The following VAV2 variants were observed in gnomAD, a reference collection of about 807,000 sequenced individuals.
VAV2 encodes the protein guanine nucleotide exchange factor VAV2.
Under a neutral mutation model 132.5 loss-of-function variants are expected in VAV2, and 67 were observed. That is an observed-to-expected ratio of 0.51 (90% CI 0.42 to 0.62). The LOEUF (loss-of-function observed/expected upper bound fraction) is 0.62. Among genes scored for constraint, VAV2 ranks in the 20% least tolerant of loss-of-function variants. The pLI, the probability that VAV2 is intolerant of heterozygous loss-of-function variation, is 0.00. For missense variants in VAV2, 938 were observed against 1,153.6 expected, an observed-to-expected ratio of 0.81 and a Z score of 2.71; for synonymous variants, 492 against 443.5, an observed-to-expected ratio of 1.11 and a Z score of -1.37.
intron 2 of VAV2, among the ~76,000 whole-genome samples, chr9:133,900,492 C>T (rs192692412): frequency 1.0e-3 from 151 of 151,740 alleles, no homozygotes; most frequent in Admixed American, 1.4e-3. Flanking sequence ...TGTATAAAAA[C>T]TGGCCATAAA....
intron 2 of VAV2, among the ~76,000 whole-genome samples, chr9:133,899,698 C>T (rs1588337658): frequency 1.3e-5 from 2 of 148,916 alleles, no homozygotes; most frequent in East Asian, 2.1e-4. Flanking sequence ...GCATGAGCCA[C>T]CATGCCTGGC....
intron 2 of VAV2, among the ~76,000 whole-genome samples, chr9:133,890,068 T>C (rs2131967696): frequency 6.6e-6 from 1 of 152,156 alleles, no homozygotes; most frequent in Admixed American, 6.5e-5. Context: ...GGTGCCAGGG[T>C]GTGGGATGGT....
At chr9:133,902,814 G>A (rs1839494574) in intron 2 of VAV2, among the ~76,000 whole-genome samples, 1 of 152,180 alleles carries the variant, frequency 6.6e-6, no homozygotes, top group African/African-American at 2.4e-5. Flanking sequence ...GCTCACGCCT[G>A]TAACCCCAGC....
intron 17 of VAV2, among the ~76,000 whole-genome samples, chr9:133,784,973 C>A (rs1316260374): frequency 5.3e-5 from 8 of 152,080 alleles, no homozygotes; most frequent in African/African-American, 1.9e-4. Context: ...AACTTTTGCA[C>A]AATAGGATGT....
chr9:133,822,214 G>A (rs1024819105), intron 4 of VAV2, among the ~76,000 whole-genome samples: 18 of 152,214 alleles, frequency 1.2e-4, no homozygotes, highest in Non-Finnish European at 8.8e-5. Flanking sequence ...GAGCCTGTGT[G>A]TTTACGGCGG....
intron 1 of VAV2, among the ~76,000 whole-genome samples, chr9:133,948,837 G>C (rs959615501): frequency 6.6e-6 from 1 of 152,244 alleles, no homozygotes; most frequent in African/African-American, 2.4e-5. Context: ...CTGGTCTACA[G>C]GTGGAGAAAC....
At chr9:133,971,391 G>T (rs901770105) in intron 1 of VAV2, among the ~76,000 whole-genome samples, 1 of 152,164 alleles carries the variant, frequency 6.6e-6, no homozygotes, top group African/African-American at 2.4e-5. Flanking sequence ...CCAGGAGGGG[G>T]CCACATGTTC....
chr9:133,835,810 G>C (rs1027759883), intron 3 of VAV2, among the ~76,000 whole-genome samples: 4 of 152,208 alleles, frequency 2.6e-5, no homozygotes, highest in Non-Finnish European at 5.9e-5. Context: ...CTGGAAACCT[G>C]GGTCCTACCT....
At chr9:133,907,526 A>G (rs1194870549) in intron 2 of VAV2, among the ~76,000 whole-genome samples, 1 of 152,228 alleles carries the variant, frequency 6.6e-6, no homozygotes, top group African/African-American at 2.4e-5. Flanking sequence ...CCAGGAGACT[A>G]GCTCCTCGGC....
At chr9:133,936,123 G>A (rs1408780849) in intron 2 of VAV2, among the ~76,000 whole-genome samples, 1 of 152,166 alleles carries the variant, frequency 6.6e-6, no homozygotes, top group Non-Finnish European at 1.5e-5. Context: ...GAGAAGCTGA[G>A]TCACTTGGGC....
intron 22 of VAV2, 121 bp from the exon 23 acceptor site, chr9:133,777,584 C>T (rs768574234): frequency 2.8e-5 from 28 of 989,122 alleles, no homozygotes; most frequent in Middle Eastern, 4.8e-4. Flanking sequence ...GAGCCAATGT[C>T]TTCTTTCCCA....
At position 133,788,272 on chromosome 9, in the gene VAV2, T is replaced by C; in HGVS notation, c.1407+82A>G. On this transcript the variant is annotated intron_variant, in intron 15 of 29. Transcript: ENST00000371850. This position sits in a 1 kb window ranked among gnomAD's most constrained non-coding sequence, Gnocchi z 5.3. ...ATCAGCGGCTGACTTCGAGTCCCCT[T>C]CCCCTGGGGTCTGGAACCCAGTGCC... 1 of 1,262,934 alleles carries C rather than the reference T, an allele frequency of 7.9e-7. No individual in the cohort carries two copies. The allele number at this position is 1,262,934 out of a possible 1,614,324, so 78.2% of individuals were successfully genotyped here.
chr9:133,770,004 AGAG>A (rs1358724727), intron 27 of VAV2, among the ~76,000 whole-genome samples: 1 of 152,172 alleles, frequency 6.6e-6, no homozygotes, highest in Non-Finnish European at 1.5e-5. Context: ...TGCCTCTCAC[AGAG>A]GAGGCCCAGG....
chr9:133,826,187 G>A lies in VAV2; in HGVS notation c.449+8085C>T, dbSNP rs1835981581. On this transcript the variant is annotated intron_variant, in intron 4 of 29. Transcript: ENST00000371850. This position sits in a 1 kb window ranked among gnomAD's most constrained non-coding sequence, Gnocchi z 4.2. Reference sequence around the variant, plus strand: ...CAGATGCTTTCGTTTCAGAGACTGGGAAACTGAGGCCCTGTGTGGCATTTA... The same window carrying A: ...CAGATGCTTTCGTTTCAGAGACTGGAAAACTGAGGCCCTGTGTGGCATTTA... Among the ~76,000 whole-genome samples, 1 of 152,194 alleles carries A rather than the reference G, an allele frequency of 6.6e-6. No individual in the cohort carries two copies. The highest frequency in any genetic ancestry group is 2.4e-5 in the African/African-American group (1 of 41,448).
chr9:133,948,545 G>A (rs1477286933), intron 1 of VAV2, among the ~76,000 whole-genome samples: 2 of 151,904 alleles, frequency 1.3e-5, no homozygotes, highest in Non-Finnish European at 2.9e-5. Context: ...GCCCTCAGGA[G>A]TGGAGCTCCC....
At position 133,768,293 on chromosome 9, in the gene VAV2, TG is replaced by T; in HGVS notation, c.2589+148del. On this transcript the variant is annotated intron_variant, in intron 29 of 29. Coordinates refer to ENST00000371850, the MANE Select transcript of VAV2 (RefSeq NM_001134398.2). This position sits in a 1 kb window ranked among gnomAD's most constrained non-coding sequence, Gnocchi z 5.3. Reference sequence around the variant, plus strand: ...TTTCCCCCTGTGAATGCCAACCTTCTGGGCTGCTGTGAGGATGAGGGAGATT... The same window carrying T: ...TTTCCCCCTGTGAATGCCAACCTTCTGGCTGCTGTGAGGATGAGGGAGATT... 8.7e-7 allele frequency: 1 copy of T among 1,152,080 alleles called. No homozygotes were observed. Among genetic ancestry groups the T allele is most frequent in the Non-Finnish European group, 1.2e-6 (1 of 837,766 alleles). 71.4% of individuals were successfully genotyped at this position (1,152,080 alleles called of 1,614,324 possible).
At chr9:133,965,152 T>C (rs1302817081) in intron 1 of VAV2, among the ~76,000 whole-genome samples, 2 of 151,658 alleles carry the variant, frequency 1.3e-5, no homozygotes, top group Admixed American at 1.3e-4. Flanking sequence ...TAGAAAACAG[T>C]AGCATTTCCA....
At chr9:133,831,833 G>GA (rs1252325734) in intron 4 of VAV2, among the ~76,000 whole-genome samples, 9 of 152,242 alleles carry the variant, frequency 5.9e-5, no homozygotes, top group Non-Finnish European at 1.2e-4. Flanking sequence ...GCTCTGTGTG[G>GA]TGGGGGGCTA....
chr9:133,887,834 G>A (rs1488236530), intron 2 of VAV2, among the ~76,000 whole-genome samples: 1 of 151,696 alleles, frequency 6.6e-6, no homozygotes, highest in African/African-American at 2.4e-5. Context: ...GCATCTTCAG[G>A]GGAGGGAAGG....
Sources: gnomAD v4.1 joint callset for allele counts (sites outside exome capture counted in the v4.1 genomes callset) on GRCh38, gnomAD v4.1.1 for gene constraint, Gnocchi (gnomAD v3.1) non-coding constraint, MANE v1.5 for transcripts, NCBI Gene and HGNC (gene_info 2026-07-23, HGNC 2026-07-21) for gene names.